The following PID1 variants were observed in gnomAD, a reference collection of about 807,000 sequenced individuals.
PID1 encodes the protein phosphotyrosine interaction domain containing 1.
A neutral mutation model predicts 19.1 loss-of-function variants in PID1; 10 were observed. The ratio of observed to expected loss-of-function variants is 0.52; its 90% CI spans 0.32 to 0.89. The LOEUF is 0.89. Ranked by LOEUF, PID1 falls within the 40% of genes least tolerant of loss-of-function variation. The pLI is 0.03. For synonymous variants in PID1, 130 were observed against 116.0 expected (o/e 1.12, Z -0.78); for missense variants, 248 against 285.3 (o/e 0.87, Z 0.94).
At chr2:229,237,536 T>C (rs1689741547) in intron 1 of PID1, among the ~76,000 whole-genome samples, 1 of 152,162 alleles carries the variant, frequency 6.6e-6, no homozygotes, top group South Asian at 2.1e-4. Context: ...GGTTTTTTAA[T>C]CTCTGCCAAG....
chr2:229,097,844 A>T (rs1366321633), intron 2 of PID1, among the ~76,000 whole-genome samples: 2 of 152,196 alleles, frequency 1.3e-5, no homozygotes, highest in African/African-American at 4.8e-5. Flanking sequence ...AGAGAAGACA[A>T]GCAAGGAGAA....
chr2:229,146,601 T>C (rs2106186430), intron 2 of PID1, among the ~76,000 whole-genome samples: 2 of 152,190 alleles, frequency 1.3e-5, no homozygotes, highest in South Asian at 4.2e-4. Context: ...GAGAACCATC[T>C]GTAGTAGGGT....
intron 2 of PID1, among the ~76,000 whole-genome samples, chr2:229,031,734 T>C (rs928991892): frequency 2.0e-5 from 3 of 152,104 alleles, no homozygotes; most frequent in African/African-American, 7.2e-5. Context: ...AGCAAGACCG[T>C]CTCCCCTCAG....
chr2:229,268,296 C>A (rs548120472), intron 1 of PID1, among the ~76,000 whole-genome samples: 1 of 152,280 alleles, frequency 6.6e-6, no homozygotes, highest in South Asian at 2.1e-4. Context: ...ATAATCAAAC[C>A]TGATCAAAGA....
At chr2:229,147,018 G>A (rs1690150087) in intron 2 of PID1, among the ~76,000 whole-genome samples, 1 of 152,138 alleles carries the variant, frequency 6.6e-6, no homozygotes, top group Admixed American at 6.5e-5. Context: ...GTAAATTTCT[G>A]TTGTTTTAAG....
intron 2 of PID1, among the ~76,000 whole-genome samples, chr2:229,042,838 T>C (rs1693797877): frequency 1.3e-5 from 2 of 152,116 alleles, no homozygotes; most frequent in South Asian, 2.1e-4. Context: ...TCCAAGGAAA[T>C]ACTGTGACAA....
rs1559293580 is a variant in PID1, at chr2:229,226,764, C to T, written c.30+44250G>A. On this transcript the variant is annotated intron_variant, in intron 1 of 2. Coordinates refer to ENST00000392055, the MANE Select transcript of PID1 (RefSeq NM_001100818.2). Reference sequence around the variant, plus strand: ...GAAATAAAATTAAATCCAAAATAAACTCACACATTTCAGAGATTGAACCAT... The same window carrying T: ...GAAATAAAATTAAATCCAAAATAAATTCACACATTTCAGAGATTGAACCAT... 3.3e-5 allele frequency among the ~76,000 whole-genome samples: 5 copies of T among 152,302 alleles called. No homozygotes were observed. The South Asian group carries it at 8.3e-4, about 25-fold the overall frequency.
chr2:229,058,835 G>A (rs1023378666), intron 2 of PID1, among the ~76,000 whole-genome samples: 16 of 151,002 alleles, frequency 1.1e-4, no homozygotes, highest in Non-Finnish European at 2.2e-4. Flanking sequence ...CATGAAATAT[G>A]CTTACAGAGA....
At chr2:229,064,203 G>C (rs565687298) in intron 2 of PID1, among the ~76,000 whole-genome samples, 5 of 152,272 alleles carry the variant, frequency 3.3e-5, no homozygotes, top group Admixed American at 2.6e-4. Flanking sequence ...ATTGGAGGCA[G>C]CGAAGCAAGG....
At chr2:229,205,929 A>G (rs768113013) in intron 1 of PID1, among the ~76,000 whole-genome samples, 8 of 152,178 alleles carry the variant, frequency 5.3e-5, no homozygotes, top group Non-Finnish European at 7.3e-5. Flanking sequence ...TGCTCTGCCC[A>G]TCATGAATAG....
At chr2:229,262,708 T>C (rs914354989) in intron 1 of PID1, 23 of 1,551,340 alleles carry the variant, frequency 1.5e-5, no homozygotes, top group East Asian at 4.9e-5. Context: ...AAGTCCAAAA[T>C]GTAAAGGTTG....
intron 2 of PID1, among the ~76,000 whole-genome samples, chr2:229,048,136 A>C (rs6739369): frequency 0.22 from 32,975 of 152,102 alleles, 6,269 homozygotes; most frequent in African/African-American, 0.51. Flanking sequence ...TTGGGTGTGA[A>C]TAAATCAGTT....
intron 2 of PID1, among the ~76,000 whole-genome samples, chr2:229,110,775 G>A (rs1695281417): frequency 6.6e-6 from 1 of 152,086 alleles, no homozygotes; most frequent in Admixed American, 6.6e-5. Flanking sequence ...GTACCCATAG[G>A]ACAGGAAGGA....
chr2:229,255,601 C>G (rs1690271363), intron 1 of PID1, among the ~76,000 whole-genome samples: 1 of 152,186 alleles, frequency 6.6e-6, no homozygotes, highest in East Asian at 1.9e-4. Flanking sequence ...TACATGTCCT[C>G]CATTTTTGGA....
chr2:229,088,868 T>C (rs1233300065), intron 2 of PID1, among the ~76,000 whole-genome samples: 6 of 152,166 alleles, frequency 3.9e-5, no homozygotes, highest in Non-Finnish European at 8.8e-5. Flanking sequence ...CAGGTTCTCC[T>C]CTGTTTATAT....
chr2:229,265,568 C>T (rs534505914), intron 1 of PID1, among the ~76,000 whole-genome samples: 1 of 152,286 alleles, frequency 6.6e-6, no homozygotes, highest in Non-Finnish European at 1.5e-5. Flanking sequence ...ACAAACGACT[C>T]AACTATTTCT....
chr2:229,101,219 AT>A (rs113344308), intron 2 of PID1, among the ~76,000 whole-genome samples: 1,907 of 150,708 alleles, frequency 0.013, 24 homozygotes, highest in Middle Eastern at 0.052. Context: ...TTCCAAATGG[AT>A]TTTTTTTTTA....
chr2:229,208,142 C>T (rs1216409136), intron 1 of PID1, among the ~76,000 whole-genome samples: 1 of 152,130 alleles, frequency 6.6e-6, no homozygotes, highest in Non-Finnish European at 1.5e-5. Flanking sequence ...CTCTTCCTAC[C>T]AGGTCAATGA....
intron 1 of PID1, chr2:229,228,135 C>A: frequency 2.3e-6 from 1 of 443,618 alleles, no homozygotes; most frequent in South Asian, 1.6e-5. Context: ...GATAAAGAAC[C>A]TGCAATTTTG....
Sources: allele counts gnomAD v4.1 joint callset (sites outside exome capture counted in the v4.1 genomes callset), GRCh38; gene constraint gnomAD v4.1.1; transcripts MANE v1.5; gene names NCBI Gene and HGNC (gene_info 2026-07-23, HGNC 2026-07-21).